The following LRTM1 variants were observed in gnomAD, a reference collection of about 807,000 sequenced individuals.
LRTM1 encodes leucine-rich repeat and transmembrane domain-containing protein 1.
Under a neutral mutation model 32.4 loss-of-function variants are expected in LRTM1, and 38 were observed. The ratio of observed to expected loss-of-function variants is 1.17; its 90% CI spans 0.91 to 1.54. The LOEUF (loss-of-function observed/expected upper bound fraction) is 1.54, where lower values mean the gene tolerates loss of function less well. Among genes scored for constraint, LRTM1 ranks in the 40% most tolerant of loss-of-function variants. LRTM1 has a pLI of 0.00. For synonymous variants in LRTM1, 186 were observed against 169.9 expected, an observed-to-expected ratio of 1.09 and a Z score of -0.74; for missense variants, 466 against 415.4, an observed-to-expected ratio of 1.12 and a Z score of -1.06.
At chr3:54,952,884 A>G (rs1255062426) in intron 1 of LRTM1, among the ~76,000 whole-genome samples, 1 of 152,164 alleles carries the variant, frequency 6.6e-6, no homozygotes, top group Non-Finnish European at 1.5e-5. Context: ...TGGGTGGTTG[A>G]GATGACACTA....
intron 1 of LRTM1, 64 bp downstream of exon 1, chr3:54,927,841 T>A: frequency 6.4e-7 from 1 of 1,562,774 alleles, no homozygotes; most frequent in Non-Finnish European, 8.8e-7. Context: ...CAGATACCTT[T>A]GTGAGGGGAT....
At position 54,926,552 on chromosome 3, in the gene LRTM1, A is replaced by ACT. The variant is rs1701027454; in HGVS notation, c.8-1339_8-1338dup. On this transcript the variant is annotated intron_variant, in intron 1 of 2. Coordinates refer to ENST00000273286, the MANE Select transcript of LRTM1 (RefSeq NM_020678.4). ...CACACACACACACACACACACACAC[A>ACT]CTCTGTTTTACATAACACTTTTTAA... Among the ~76,000 whole-genome samples the ACT allele has an allele frequency of 2.9e-5, 4 of 138,846 alleles. No individual in the cohort carries two copies. In the South Asian group the frequency reaches 7.1e-4, roughly 25 times the overall value. The allele number at this position is 138,846 out of a possible 152,430, so 91.1% of individuals were successfully genotyped here. A position where few individuals can be genotyped will look rare whatever the true frequency, so the allele number is the denominator to read the frequency against.
intron 1 of LRTM1, among the ~76,000 whole-genome samples, chr3:54,939,716 G>A (rs772802851): frequency 1.3e-5 from 2 of 152,212 alleles, no homozygotes; most frequent in African/African-American, 4.8e-5. Context: ...GCCCCTGCAG[G>A]CCCACCCTCT....
Position 54,927,892 on chromosome 3 carries a change from G to T in LRTM1, c.7+13C>A. 6.2e-7 allele frequency: 1 copy of T among 1,613,602 alleles called. No homozygotes were observed. Among genetic ancestry groups the T allele is most frequent in the Non-Finnish European group, 8.5e-7 (1 of 1,179,624 alleles). ...GACAAGAACTTTTCCAACGGGAATT[G>T]ATCAGGGCTCACCTTTCATGACTGA... On this transcript the variant is annotated intron_variant, in intron 1 of 2. Transcript: ENST00000273286.
intron 1 of LRTM1, among the ~76,000 whole-genome samples, chr3:54,933,962 G>C (rs1054091624): frequency 6.6e-6 from 1 of 151,992 alleles, no homozygotes; most frequent in Non-Finnish European, 1.5e-5. Context: ...GTAGAGACGG[G>C]GTTTCGTCAT....
At chr3:54,949,464 C>T (rs1701700821) in intron 1 of LRTM1, among the ~76,000 whole-genome samples, 1 of 152,146 alleles carries the variant, frequency 6.6e-6, no homozygotes, top group Non-Finnish European at 1.5e-5. Context: ...AGGCAAGTTG[C>T]TAGCCTCTTT....
chr3:54,918,558 A>G lies in LRTM1; in HGVS notation c.939T>C (p.Tyr313=), dbSNP rs776214240. The G allele has an allele frequency of 1.2e-6, 2 of 1,613,896 alleles. No individual in the cohort carries two copies. The highest frequency in any genetic ancestry group is 4.5e-5 in the East Asian group (2 of 44,870). ...CATGGTACTGGGCTGTGATTGCCGC[A>G]TAGGTGCAGCCATAGATGGCAGCTG... ...MLAAAIYGCT[Y]AAITAQYHGG... The change falls in exon 3 of 3, where the codon TAT becomes TAC. Residue 313 remains tyrosine (Y), a synonymous_variant. Transcript: ENST00000273286.
At chr3:54,923,979 C>T (rs540415656) in intron 2 of LRTM1, among the ~76,000 whole-genome samples, 3 of 152,258 alleles carry the variant, frequency 2.0e-5, no homozygotes, top group African/African-American at 4.8e-5. Context: ...TTTACAGAAA[C>T]GGGAGATGGG....
At chr3:54,959,830 A>T (rs7632198) in intron 1 of LRTM1, among the ~76,000 whole-genome samples, 80,187 of 151,968 alleles carry the variant, frequency 0.53, 21,489 homozygotes, top group East Asian at 0.74. Flanking sequence ...TGACAAAAAC[A>T]ATTTGATGCT....
chr3:54,951,322 A>G (rs1435787742), intron 1 of LRTM1, among the ~76,000 whole-genome samples: 1 of 152,192 alleles, frequency 6.6e-6, no homozygotes, highest in Non-Finnish European at 1.5e-5. Context: ...GATAAAGAAG[A>G]CCCATCTCTC....
chr3:54,927,292 GTTTAA>G (rs149022454), intron 1 of LRTM1, among the ~76,000 whole-genome samples: 1,650 of 152,308 alleles, frequency 0.011, 37 homozygotes, highest in African/African-American at 0.038. Flanking sequence ...AGTCTTCTCA[GTTTAA>G]TTTAGTTTAA....
chr3:54,922,240 A>G (rs889340789), intron 2 of LRTM1, among the ~76,000 whole-genome samples: 13 of 152,038 alleles, frequency 8.6e-5, no homozygotes, highest in Admixed American at 5.2e-4. Flanking sequence ...AATTTTCCCA[A>G]AGACCACCAG....
intron 1 of LRTM1, among the ~76,000 whole-genome samples, chr3:54,950,178 G>A (rs775861862): frequency 2.0e-5 from 3 of 152,216 alleles, no homozygotes; most frequent in African/African-American, 4.8e-5. Context: ...CCATACAGCC[G>A]AGGTAGCTTT....
At position 54,918,827 on chromosome 3, in the gene LRTM1, T is replaced by A; in HGVS notation, c.670A>T (p.Ile224Phe). The change falls in exon 3 of 3, where the codon ATC becomes TTC. Residue 224 changes from isoleucine to phenylalanine, a missense_variant. Transcript: ENST00000273286. ...DTWKGKDLLR[I>F]PHELYQPCPL... ...CAGGGCTGGTACAGCTCATGAGGGA[T>A]CCTAAGGAGGTCCTTTCCCTTCCAG... 1.2e-6 allele frequency: 2 copies of A among 1,601,198 alleles called. No individual in the cohort carries two copies. Among genetic ancestry groups the A allele is most frequent in the African/African-American group, 1.3e-5 (1 of 74,746 alleles).
Position 54,927,950 on chromosome 3 carries a change from C to T in LRTM1, c.-39G>A. On this transcript the variant is annotated 5_prime_UTR_variant, in exon 1 of 3. Coordinates refer to ENST00000273286, the MANE Select transcript of LRTM1 (RefSeq NM_020678.4). The stretch of plus-strand genomic sequence containing the variant: ...TGGGCGTCCTTGCTGACCTCGTAGA[C>T]CCTTTAATTAATGTGCAGAGCAACA... 1 of 1,609,310 alleles carries T rather than the reference C, an allele frequency of 6.2e-7. No individual in the cohort carries two copies. The highest frequency in any genetic ancestry group is 8.5e-7 in the Non-Finnish European group (1 of 1,175,810).
At chr3:54,936,832 T>A (rs1003774688) in intron 1 of LRTM1, among the ~76,000 whole-genome samples, 6 of 152,168 alleles carry the variant, frequency 3.9e-5, no homozygotes, top group Admixed American at 6.5e-5. Context: ...AACATTGTGT[T>A]CAACAAGCAA....
intron 1 of LRTM1, among the ~76,000 whole-genome samples, chr3:54,934,239 A>AT (rs1054244381): frequency 2.0e-5 from 3 of 152,176 alleles, no homozygotes; most frequent in Non-Finnish European, 4.4e-5. Flanking sequence ...CCCTAAGGTC[A>AT]TTTTTTACAC....
chr3:54,954,026 C>T (rs1000963975), intron 1 of LRTM1, among the ~76,000 whole-genome samples: 3 of 152,202 alleles, frequency 2.0e-5, no homozygotes, highest in Non-Finnish European at 4.4e-5. Context: ...ACCTAATTTC[C>T]ATCAGAAGTC....
chr3:54,927,438 A>G (rs1701054035), intron 1 of LRTM1, among the ~76,000 whole-genome samples: 1 of 152,208 alleles, frequency 6.6e-6, no homozygotes, highest in Admixed American at 6.5e-5. Context: ...CCCCTCAGTA[A>G]TGAACGGACA....
Sources: allele counts gnomAD v4.1 joint callset (sites outside exome capture counted in the v4.1 genomes callset), GRCh38; gene constraint gnomAD v4.1.1; transcripts MANE v1.5; gene names NCBI Gene and HGNC (gene_info 2026-07-23, HGNC 2026-07-21).